The following NEK11 variants were observed in gnomAD, a reference collection of about 807,000 sequenced individuals.
NEK11 encodes serine/threonine-protein kinase Nek11.
In NEK11, 72 loss-of-function variants were observed where a neutral mutation model predicts 80.7. That is an observed-to-expected ratio of 0.89 (90% CI 0.74 to 1.08). NEK11 has a LOEUF of 1.08. NEK11 is among the 50% of genes least tolerant of loss of function. The pLI, the probability that NEK11 is intolerant of heterozygous loss-of-function variation, is 0.00. For synonymous variants in NEK11, 251 were observed against 260.7 expected, an observed-to-expected ratio of 0.96 and a Z score of 0.36; for missense variants, 764 against 763.6, an observed-to-expected ratio of 1.00 and a Z score of -0.01.
intron 4 of NEK11, among the ~76,000 whole-genome samples, chr3:131,108,996 C>A (rs1004538206): frequency 2.0e-5 from 3 of 152,006 alleles, no homozygotes; most frequent in South Asian, 2.1e-4. Context: ...ATTGGCCGAC[C>A]TTTTTAAGTT....
Position 131,123,775 on chromosome 3 carries a change from A to G in NEK11, c.456-8970A>G, listed in dbSNP as rs145956445. On this transcript the variant is annotated intron_variant, in intron 5 of 17. Transcript: ENST00000383366. ...CTTCTGGTGGGCTCCTTAGCTCACT[A>G]TTGCAAATCCTAAACCTGTTGTCTC... 1.4e-3 allele frequency among the ~76,000 whole-genome samples: 213 copies of G among 152,184 alleles called. 1 individual carries two copies. The highest frequency in any genetic ancestry group is 2.2e-3 in the Non-Finnish European group (153 of 68,020).
chr3:131,212,331 A>G (rs998615461), intron 14 of NEK11, among the ~76,000 whole-genome samples: 2 of 152,132 alleles, frequency 1.3e-5, no homozygotes, highest in Non-Finnish European at 2.9e-5. Flanking sequence ...AACAGCAAAT[A>G]TTGCTGCCTG....
At chr3:131,203,267 A>G (rs998651118) in intron 14 of NEK11, among the ~76,000 whole-genome samples, 6 of 152,054 alleles carry the variant, frequency 3.9e-5, no homozygotes, top group Non-Finnish European at 7.4e-5. Flanking sequence ...TGATGAGTTC[A>G]TGTCCTTTGT....
intron 15 of NEK11, among the ~76,000 whole-genome samples, chr3:131,235,357 G>A (rs2095413307): frequency 1.3e-5 from 2 of 152,174 alleles, no homozygotes; most frequent in South Asian, 2.1e-4. Context: ...ACCATATGGT[G>A]CACAGAAACC....
intron 17 of NEK11, among the ~76,000 whole-genome samples, chr3:131,346,843 T>C (rs957360508): frequency 6.6e-5 from 10 of 152,226 alleles, no homozygotes; most frequent in Admixed American, 6.5e-4. Context: ...TCATTGGCAC[T>C]GATGAGGTCA....
chr3:131,063,772 G>A (rs2071359372), intron 3 of NEK11, among the ~76,000 whole-genome samples: 1 of 152,042 alleles, frequency 6.6e-6, no homozygotes, highest in Non-Finnish European at 1.5e-5. Context: ...CACCAGCCAG[G>A]AAATTTACTA....
rs545168225 is a variant in NEK11, at chr3:131,243,187, C to T, written c.1561-249C>T. Among the ~76,000 whole-genome samples the T allele has an allele frequency of 2.0e-5, 3 of 152,108 alleles. No homozygotes were observed. In the East Asian group the frequency reaches 5.8e-4, roughly 29 times the overall value. The stretch of plus-strand genomic sequence containing the variant: ...ATCACTCATAATTTAATCTTTTAGT[C>T]AAAACCACTGCTAACATTTTTTTGT... On this transcript the variant is annotated intron_variant, in intron 15 of 17. Transcript: ENST00000383366.
At chr3:131,195,465 A>G (rs1350454810) in intron 14 of NEK11, among the ~76,000 whole-genome samples, 1 of 152,112 alleles carries the variant, frequency 6.6e-6, no homozygotes, top group Non-Finnish European at 1.5e-5. Context: ...AAGCCACATC[A>G]TATGCCCTCA....
Position 131,027,995 on chromosome 3 carries a change from G to C in NEK11, c.-104G>C, listed in dbSNP as rs2064158488. The C allele has an allele frequency of 6.6e-6, 1 of 152,182 alleles. No homozygotes were observed. The highest frequency in any genetic ancestry group is 2.4e-5 in the African/African-American group (1 of 41,424). The allele number at this position is 152,182 out of a possible 1,614,324, so 9.4% of individuals were successfully genotyped here. On this transcript the variant is annotated 5_prime_UTR_variant, in exon 2 of 18. Transcript: ENST00000383366. ...TGACCTGAAGGACCCTTTTCAGCTG[G>C]AAAGTCTGTAAGTCCATATATTTAT...
chr3:131,116,913 C>A (rs1190028529), intron 5 of NEK11, among the ~76,000 whole-genome samples: 1 of 152,028 alleles, frequency 6.6e-6, no homozygotes, highest in East Asian at 1.9e-4. Context: ...AAATTTTCTC[C>A]CATTCTGTAG....
At chr3:131,135,605 A>G (rs2085410759) in intron 7 of NEK11, among the ~76,000 whole-genome samples, 1 of 152,118 alleles carries the variant, frequency 6.6e-6, no homozygotes, top group Non-Finnish European at 1.5e-5. Flanking sequence ...TGAGAAATCA[A>G]TTTTGGGCTT....
intron 4 of NEK11, among the ~76,000 whole-genome samples, chr3:131,099,409 C>T (rs1435632953): frequency 6.6e-6 from 1 of 152,150 alleles, no homozygotes; most frequent in African/African-American, 2.4e-5. Context: ...TGTGATGCCT[C>T]CAGCTTTGTT....
chr3:131,263,931 T>G (rs1318221455), intron 16 of NEK11, among the ~76,000 whole-genome samples: 2 of 152,212 alleles, frequency 1.3e-5, no homozygotes, highest in Non-Finnish European at 2.9e-5. Flanking sequence ...GGTATCTCAT[T>G]GTGGTTTTGA....
chr3:131,080,572 T>C lies in NEK11; in HGVS notation c.320T>C (p.Ile107Thr), dbSNP rs781404393. 1.9e-6 allele frequency: 3 copies of C among 1,612,908 alleles called. No homozygotes were observed. The highest frequency in any genetic ancestry group is 4.5e-5 in the East Asian group (2 of 44,864). Reference protein sequence around the residue: ...SFVEQDNFCIITEYCEGRDLD... With the variant: ...SFVEQDNFCITTEYCEGRDLD... ...GTGGAGCAAGATAATTTCTGCATTA[T>C]CACGGAGTACTGTGAGGTGAGACTC... The change falls in exon 4 of 18, where the codon ATC (isoleucine) becomes ACC (threonine). Residue 107 changes from isoleucine to threonine, a missense_variant. Physicochemically the swap from Ile to Thr is moderately conservative, Grantham distance 89. Coordinates refer to ENST00000383366, the MANE Select transcript of NEK11 (RefSeq NM_024800.5).
intron 14 of NEK11, among the ~76,000 whole-genome samples, chr3:131,219,408 G>A (rs1258975209): frequency 6.6e-6 from 1 of 152,092 alleles, no homozygotes; most frequent in Non-Finnish European, 1.5e-5. Context: ...TGGGGGACTA[G>A]GGGAGGGACA....
intron 3 of NEK11, among the ~76,000 whole-genome samples, chr3:131,071,911 C>G (rs567773161): frequency 6.6e-6 from 1 of 152,268 alleles, no homozygotes; most frequent in East Asian, 1.9e-4. Context: ...TACCTTTCTT[C>G]TAATCTTTTT....
chr3:131,169,339 A>C (rs1438901672), intron 13 of NEK11, among the ~76,000 whole-genome samples: 1 of 152,178 alleles, frequency 6.6e-6, no homozygotes, highest in African/African-American at 2.4e-5. Context: ...GGAGAGAATC[A>C]GAGTTATGGG....
chr3:131,233,417 GC>G (rs1484390910), intron 15 of NEK11, among the ~76,000 whole-genome samples: 2 of 152,104 alleles, frequency 1.3e-5, no homozygotes, highest in African/African-American at 4.8e-5. Flanking sequence ...CTTGTAAGTG[GC>G]AGATCTCATG....
intron 14 of NEK11, among the ~76,000 whole-genome samples, chr3:131,206,570 A>G (rs935503911): frequency 1.3e-5 from 2 of 152,238 alleles, no homozygotes; most frequent in Admixed American, 1.3e-4. Context: ...TTTATCTATC[A>G]CACAAGCAAA....
Sources: gnomAD v4.1 joint callset for allele counts (sites outside exome capture counted in the v4.1 genomes callset) on GRCh38, gnomAD v4.1.1 for gene constraint, MANE v1.5 for transcripts, NCBI Gene and HGNC (gene_info 2026-07-23, HGNC 2026-07-21) for gene names.